EFL1: variants seen among roughly 807,000 people sequenced by gnomAD.
EFL1 encodes elongation factor like GTPase 1.
In EFL1, 76 loss-of-function variants were observed where a neutral mutation model predicts 126.7. The ratio of observed to expected loss-of-function variants is 0.60; its 90% CI spans 0.50 to 0.73. The LOEUF (loss-of-function observed/expected upper bound fraction) is 0.73. EFL1 is among the 30% of genes least tolerant of loss of function. The probability of loss-of-function intolerance (pLI) is 0.00; values close to 1 mark genes in which losing one functional copy is unlikely to be tolerated. For synonymous variants in EFL1, 410 were observed against 448.4 expected (o/e 0.91, Z 1.08); for missense variants, 1,128 against 1,343.2 (o/e 0.84, Z 2.50).
chr15:82,175,885 T>C (rs1051803279), intron 15 of EFL1, among the ~76,000 whole-genome samples: 2 of 152,186 alleles, frequency 1.3e-5, no homozygotes, highest in African/African-American at 4.8e-5. Flanking sequence ...AATAGGATGA[T>C]ATAAAAATAG....
intron 17 of EFL1, among the ~76,000 whole-genome samples, chr15:82,152,874 T>C (rs2073928886): frequency 6.6e-6 from 1 of 152,128 alleles, no homozygotes; most frequent in Non-Finnish European, 1.5e-5. Context: ...ATCTTCACAA[T>C]GTATTTGGCT....
intron 15 of EFL1, among the ~76,000 whole-genome samples, chr15:82,186,261 C>T (rs544445486): frequency 3.3e-4 from 50 of 152,214 alleles, no homozygotes; most frequent in Admixed American, 8.5e-4. Context: ...CATATAGGCA[C>T]GCTCCTTTCC....
intron 16 of EFL1, among the ~76,000 whole-genome samples, chr15:82,158,530 G>T (rs139998943): frequency 5.0e-4 from 76 of 152,288 alleles, no homozygotes; most frequent in African/African-American, 1.8e-3. Context: ...CTCCCTCAAG[G>T]CAGGTCCAAG....
intron 15 of EFL1, among the ~76,000 whole-genome samples, chr15:82,173,802 G>C (rs2074161696): frequency 6.6e-6 from 1 of 152,076 alleles, no homozygotes; most frequent in Non-Finnish European, 1.5e-5. Context: ...TGGGGTTAAA[G>C]GTCATTTTCA....
At chr15:82,183,254 T>A (rs1232914061) in intron 15 of EFL1, among the ~76,000 whole-genome samples, 3 of 152,252 alleles carry the variant, frequency 2.0e-5, no homozygotes, top group Non-Finnish European at 2.9e-5. Flanking sequence ...GTAAACTTTG[T>A]GTTCTTGAGT....
chr15:82,145,272 C>A (rs2073831851), intron 18 of EFL1, among the ~76,000 whole-genome samples: 1 of 140,838 alleles, frequency 7.1e-6, no homozygotes, highest in African/African-American at 2.7e-5. Flanking sequence ...CGTTGCACTC[C>A]AGCCTGGGCA....
chr15:82,235,925 T>C (rs1280681620), intron 7 of EFL1, among the ~76,000 whole-genome samples: 1 of 152,092 alleles, frequency 6.6e-6, no homozygotes, highest in African/African-American at 2.4e-5. Flanking sequence ...GACATGATAG[T>C]CTCATAGCAA....
At chr15:82,255,234 C>G (rs1258564458) in intron 3 of EFL1, among the ~76,000 whole-genome samples, 1 of 152,288 alleles carries the variant, frequency 6.6e-6, no homozygotes, top group East Asian at 1.9e-4. Context: ...TTTAAATTTA[C>G]ATTTATCCTA....
intron 16 of EFL1, among the ~76,000 whole-genome samples, chr15:82,160,439 T>C (rs148217436): frequency 3.3e-5 from 5 of 152,362 alleles, no homozygotes; most frequent in Admixed American, 3.3e-4. Flanking sequence ...TGTTACATAG[T>C]ATTAGGTAAC....
chr15:82,180,274 A>T (rs893749360), intron 15 of EFL1, among the ~76,000 whole-genome samples: 3 of 151,586 alleles, frequency 2.0e-5, no homozygotes, highest in African/African-American at 7.3e-5. Flanking sequence ...CATCTAGCAG[A>T]TCCTCCACAG....
Position 82,240,569 on chromosome 15 carries a change from A to G in EFL1, c.379-14T>C, listed in dbSNP as rs749809148. The G allele has an allele frequency of 1.2e-6, 2 of 1,609,816 alleles. No individual in the cohort carries two copies. Among genetic ancestry groups the G allele is most frequent in the Middle Eastern group, 1.7e-4 (1 of 6,028 alleles). On this transcript the variant is annotated splice_polypyrimidine_tract_variant and intron_variant, in intron 5 of 19. Transcript: ENST00000268206. ...AACTGCCTGTGTCTGATAAAAACAG[A>G]AAGAAAAATGTAAAACTCATGATTT...
At chr15:82,239,648 A>C (rs971019395) in intron 6 of EFL1, among the ~76,000 whole-genome samples, 6 of 152,186 alleles carry the variant, frequency 3.9e-5, no homozygotes, top group Non-Finnish European at 8.8e-5. Context: ...CATCTCTTGT[A>C]ACTGTTGCAA....
Position 82,201,698 on chromosome 15 carries a change from C to CA in EFL1, c.1750+13018dup, listed in dbSNP as rs57664245. On this transcript the variant is annotated intron_variant, in intron 15 of 19. Coordinates refer to ENST00000268206, the MANE Select transcript of EFL1 (RefSeq NM_024580.6). ...CATTTTTATAGTTAATAACTTCTTG[C>CA]AAAAAAAAAAAAAAAAAAAAAGAAC... is the stretch of plus-strand genomic sequence containing the variant. Among the ~76,000 whole-genome samples, 781 of 98,582 alleles carry CA rather than the reference C, an allele frequency of 7.9e-3. 9 individuals carry two copies. The highest frequency in any genetic ancestry group is 0.02 in the East Asian group (61 of 3,072). The allele number at this position is 98,582 out of a possible 152,430, so 64.7% of individuals were successfully genotyped here. A position where few individuals can be genotyped will look rare whatever the true frequency, so the allele number is the denominator to read the frequency against.
chr15:82,244,178 T>G (rs143769414), intron 4 of EFL1, among the ~76,000 whole-genome samples: 15 of 152,222 alleles, frequency 9.9e-5, no homozygotes, highest in African/African-American at 3.4e-4. Flanking sequence ...ATTTCAAAGG[T>G]TGGGGACAGA....
At chr15:82,262,058 A>G (rs1000472956) in intron 1 of EFL1, 23 of 343,134 alleles carry the variant, frequency 6.7e-5, no homozygotes, top group Non-Finnish European at 1.1e-4. Flanking sequence ...GCTCGAGGGG[A>G]CTGGGTGCAC....
At chr15:82,258,251 T>G (rs921872452) in intron 3 of EFL1, among the ~76,000 whole-genome samples, 6 of 152,222 alleles carry the variant, frequency 3.9e-5, no homozygotes, top group Non-Finnish European at 8.8e-5. Flanking sequence ...ATCTCTTTAA[T>G]TTTATTTCCT....
At chr15:82,157,235 T>C (rs8033228) in intron 17 of EFL1, among the ~76,000 whole-genome samples, 1,636 of 152,300 alleles carry the variant, frequency 0.011, 30 homozygotes, top group African/African-American at 0.037. Context: ...ACATACATTA[T>C]CTTTGGAACA....
Position 82,130,406 on chromosome 15 carries a change from T to C in EFL1, c.3330A>G (p.Ala1110=). ...TTTTGCTGAGTGTCCTCTGCTTTTC[T>C]GCATGCTCCACAATCTTTTCTTCCA... The part of the protein sequence containing the change: ...LYVEEKIVEH[A]EKQRTLSKNK The change falls in exon 20 of 20, where the codon GCA becomes GCG. Residue 1110 remains alanine (A), a synonymous_variant. Coordinates refer to ENST00000268206, the MANE Select transcript of EFL1 (RefSeq NM_024580.6). 1 of 1,614,202 alleles carries C rather than the reference T, an allele frequency of 6.2e-7. No homozygotes were observed. The highest frequency in any genetic ancestry group is 8.5e-7 in the Non-Finnish European group (1 of 1,180,038).
intron 15 of EFL1, among the ~76,000 whole-genome samples, chr15:82,210,713 T>G (rs1200982608): frequency 1.3e-5 from 2 of 151,646 alleles, no homozygotes; most frequent in East Asian, 3.9e-4. Flanking sequence ...AATACAAAAA[T>G]TAGCCTGGCG....
Sources: gnomAD v4.1 joint callset for allele counts (sites outside exome capture counted in the v4.1 genomes callset) on GRCh38, gnomAD v4.1.1 for gene constraint, MANE v1.5 for transcripts, NCBI Gene and HGNC (gene_info 2026-07-23, HGNC 2026-07-21) for gene names.